The following TRPM3 variants were observed in gnomAD, a reference collection of about 807,000 sequenced individuals.
TRPM3 encodes the protein transient receptor potential cation channel subfamily M member 3, also known as long transient receptor potential channel 3.
TRPM3 carries 77 observed loss-of-function variants against 181.2 expected under a neutral mutation model. The observed-to-expected ratio is 0.42, with a 90% CI of 0.35 to 0.51. The LOEUF is 0.51. Ranked by LOEUF, TRPM3 falls within the 20% of genes least tolerant of loss-of-function variation. The pLI, the probability that TRPM3 is intolerant of heterozygous loss-of-function variation, is 0.01. For synonymous variants in TRPM3, 745 were observed against 796.4 expected (o/e 0.94, Z 1.09); for missense variants, 1,759 against 2,196.7 (o/e 0.80, Z 3.98).
At chr9:70,834,351 A>G (rs12378267) in intron 5 of TRPM3, among the ~76,000 whole-genome samples, 32,979 of 152,194 alleles carry the variant, frequency 0.22, 4,425 homozygotes, top group Non-Finnish European at 0.29. Flanking sequence ...CCCTTTGCCC[A>G]GTCCTGAGGG....
At chr9:70,689,242 G>A (rs1488656273) in intron 8 of TRPM3, among the ~76,000 whole-genome samples, 2 of 151,960 alleles carry the variant, frequency 1.3e-5, no homozygotes, top group Non-Finnish European at 2.9e-5. Flanking sequence ...AAACATTTTT[G>A]GGGGGTGGTA....
At chr9:71,442,661 A>AT (rs1431995913) in intron 1 of TRPM3, among the ~76,000 whole-genome samples, 2 of 152,218 alleles carry the variant, frequency 1.3e-5, no homozygotes, top group African/African-American at 4.8e-5. Context: ...GAGAGGATAA[A>AT]TATACTTAAT....
At chr9:71,023,625 C>A (rs1466350029) in intron 1 of TRPM3, among the ~76,000 whole-genome samples, 2 of 151,026 alleles carry the variant, frequency 1.3e-5, no homozygotes, top group African/African-American at 4.9e-5. Flanking sequence ...CTGTGGAATA[C>A]TACTTAGCAG....
At chr9:70,629,984 G>T (rs1235985677) in intron 12 of TRPM3, among the ~76,000 whole-genome samples, 2 of 152,194 alleles carry the variant, frequency 1.3e-5, no homozygotes, top group East Asian at 1.9e-4. Context: ...CTCTGAGGGG[G>T]ATGGCAGCCT....
At chr9:70,791,238 T>A (rs1315951821) in intron 6 of TRPM3, among the ~76,000 whole-genome samples, 11 of 152,078 alleles carry the variant, frequency 7.2e-5, no homozygotes, top group Admixed American at 6.5e-4. Flanking sequence ...ACGCTATACA[T>A]TTTTTTGCCA....
At chr9:70,777,786 A>T (rs919346527) in intron 7 of TRPM3, among the ~76,000 whole-genome samples, 90 of 152,288 alleles carry the variant, frequency 5.9e-4, no homozygotes, top group African/African-American at 1.9e-3. Context: ...CATAGTACCT[A>T]AAACAAGCAT....
At chr9:70,825,171 C>T (rs1170399552) in intron 6 of TRPM3, 1 of 152,122 alleles carries the variant, frequency 6.6e-6, no homozygotes, top group Non-Finnish European at 1.5e-5. Flanking sequence ...CTAACAAAGT[C>T]CCAGGCAAAC....
intron 1 of TRPM3, among the ~76,000 whole-genome samples, chr9:71,011,793 T>TTG (rs1189271989): frequency 4.0e-5 from 6 of 150,026 alleles, no homozygotes; most frequent in African/African-American, 1.5e-4. Context: ...TTTTTTTGTT[T>TTG]TTTTTCAGAC....
At chr9:71,412,704 T>G (rs2093575072) in intron 1 of TRPM3, among the ~76,000 whole-genome samples, 2 of 152,234 alleles carry the variant, frequency 1.3e-5, no homozygotes, top group African/African-American at 4.8e-5. Context: ...TCCTCAAGGA[T>G]CTAGAACTAG....
intron 1 of TRPM3, among the ~76,000 whole-genome samples, chr9:71,289,412 T>C (rs957143626): frequency 1.3e-5 from 2 of 152,012 alleles, no homozygotes; most frequent in African/African-American, 4.8e-5. Flanking sequence ...GAAGCACACC[T>C]GAGGAAAAGT....
chr9:70,570,219 A>C, intron 22 of TRPM3, among the ~76,000 whole-genome samples: 1 of 90,714 alleles, frequency 1.1e-5, no homozygotes, highest in East Asian at 3.7e-4. Context: ...AAAAATCTAT[A>C]ATTCAGATTT....
At chr9:71,312,832 C>A (rs1718193602) in intron 1 of TRPM3, among the ~76,000 whole-genome samples, 1 of 151,896 alleles carries the variant, frequency 6.6e-6, no homozygotes, top group Non-Finnish European at 1.5e-5. Context: ...AGCTGTATGA[C>A]ATTCTGAAAA....
At chr9:71,035,698 T>C (rs2058094856) in intron 1 of TRPM3, among the ~76,000 whole-genome samples, 2 of 152,100 alleles carry the variant, frequency 1.3e-5, no homozygotes, top group Non-Finnish European at 2.9e-5. Flanking sequence ...GCCTGGGTGA[T>C]AGAGCAGGAC....
At chr9:70,858,030 T>C (rs931781901) in intron 3 of TRPM3, among the ~76,000 whole-genome samples, 3 of 152,268 alleles carry the variant, frequency 2.0e-5, no homozygotes, top group Admixed American at 6.5e-5. Flanking sequence ...GCCTGCAACA[T>C]TGTAATAATG....
At chr9:70,565,522 A>G (rs1366420465) in intron 22 of TRPM3, among the ~76,000 whole-genome samples, 1 of 151,804 alleles carries the variant, frequency 6.6e-6, no homozygotes, top group Non-Finnish European at 1.5e-5. Flanking sequence ...CGAACCGCTG[A>G]CCTCATGTGA....
intron 22 of TRPM3, among the ~76,000 whole-genome samples, chr9:70,567,663 G>A (rs192063650): frequency 2.7e-5 from 4 of 148,262 alleles, no homozygotes; most frequent in East Asian, 1.9e-4. Context: ...ACCACAAGTC[G>A]TATAAAAATT....
chr9:70,806,079 C>A lies in TRPM3; in HGVS notation c.973+21768G>T, dbSNP rs1026078788. ...TCGTTCCAGCAGGAATTGCCCAGTA[C>A]CCCATGTGAACCCAGCGACGCCAAG... On this transcript the variant is annotated intron_variant, in intron 6 of 25. Transcript: ENST00000677713. 2.6e-5 allele frequency among the ~76,000 whole-genome samples: 4 copies of A among 152,200 alleles called. No homozygotes were observed. In the South Asian group the frequency reaches 8.3e-4, roughly 31 times the overall value.
At chr9:71,428,897 T>C (rs2093914084) in intron 1 of TRPM3, among the ~76,000 whole-genome samples, 1 of 147,356 alleles carries the variant, frequency 6.8e-6, no homozygotes, top group South Asian at 2.1e-4. Flanking sequence ...AAGAACTTCA[T>C]GATTGCACCG....
intron 1 of TRPM3, among the ~76,000 whole-genome samples, chr9:71,149,557 T>C (rs1003378857): frequency 2.0e-5 from 3 of 152,084 alleles, no homozygotes; most frequent in African/African-American, 7.2e-5. Flanking sequence ...CCTACCAAAC[T>C]ATGCACAGGT....
Sources: gnomAD v4.1 joint callset for allele counts (sites outside exome capture counted in the v4.1 genomes callset) on GRCh38, gnomAD v4.1.1 for gene constraint, MANE v1.5 for transcripts, NCBI Gene and HGNC (gene_info 2026-07-23, HGNC 2026-07-21) for gene names.